The following PAK5 variants were observed in gnomAD, a reference collection of about 807,000 sequenced individuals.
PAK5 encodes the protein p21 (RAC1) activated kinase 5, also known as serine/threonine-protein kinase PAK 5.
PAK5 carries 16 observed loss-of-function variants against 65.9 expected under a neutral mutation model. That is an observed-to-expected ratio of 0.24 (90% CI 0.16 to 0.37). PAK5 has a LOEUF of 0.37. Among genes scored for constraint, PAK5 ranks in the 10% least tolerant of loss-of-function variants. The pLI is 1.00. For synonymous variants in PAK5, 371 were observed against 354.9 expected (o/e 1.05, Z -0.51); for missense variants, 785 against 903.9 (o/e 0.87, Z 1.69).
At chr20:9,699,890 T>C (rs6039552) in intron 2 of PAK5, among the ~76,000 whole-genome samples, 114,635 of 151,994 alleles carry the variant, frequency 0.75, 43,798 homozygotes, top group African/African-American at 0.88. Flanking sequence ...CTATGGCAAA[T>C]GGGGATACTT....
chr20:9,691,729 G>A lies in PAK5; in HGVS notation c.-12+19557C>T, dbSNP rs546718108. Reference sequence around the variant, plus strand: ...AAACTACAAATGTACTCCAATAAAAGTCCCTCTTACATTCTTTATATCTAA... The same window carrying A: ...AAACTACAAATGTACTCCAATAAAAATCCCTCTTACATTCTTTATATCTAA... On this transcript the variant is annotated intron_variant, in intron 2 of 9. Coordinates refer to ENST00000353224, the MANE Select transcript of PAK5 (RefSeq NM_177990.4). Among the ~76,000 whole-genome samples, 181 of 152,180 alleles carry A rather than the reference G, an allele frequency of 1.2e-3. 1 individual carries two copies. The highest frequency in any genetic ancestry group is 4.1e-3 in the African/African-American group (172 of 41,518).
Position 9,745,581 on chromosome 20 carries a change from T to G in PAK5, c.-161-34146A>C, listed in dbSNP as rs79295459. The stretch of plus-strand genomic sequence containing the variant: ...GTTGCAATATTCTGGGTACTCTATA[T>G]TATTTTCATGCGTTGATCTTACACT... On this transcript the variant is annotated intron_variant, in intron 1 of 9. Coordinates refer to ENST00000353224, the MANE Select transcript of PAK5 (RefSeq NM_177990.4). Among the ~76,000 whole-genome samples, 830 of 152,284 alleles carry G rather than the reference T, an allele frequency of 5.5e-3. 9 individuals carry two copies. The highest frequency in any genetic ancestry group is 0.019 in the African/African-American group (775 of 41,562).
At chr20:9,785,142 T>C (rs1274885229) in intron 1 of PAK5, among the ~76,000 whole-genome samples, 3 of 152,172 alleles carry the variant, frequency 2.0e-5, no homozygotes, top group African/African-American at 7.2e-5. Flanking sequence ...TTCTGGTCTA[T>C]AGCCTATGCT....
intron 7 of PAK5, among the ~76,000 whole-genome samples, chr20:9,555,213 G>A (rs2045487840): frequency 6.6e-6 from 1 of 152,148 alleles, no homozygotes; most frequent in Non-Finnish European, 1.5e-5. Context: ...ATGAATGAGA[G>A]AACAAACCAA....
rs755247878 is a variant in PAK5 at position 9,580,885 on chromosome 20, C to T, written c.250G>A (p.Gly84Ser). The T allele has an allele frequency of 1.4e-5, 22 of 1,608,218 alleles. No individual in the cohort carries two copies. The highest frequency in any genetic ancestry group is 1.8e-5 in the Non-Finnish European group (21 of 1,177,176). ...NKPCKETSIN[G>S]LLEDFDNISV... ...ATGTTGTCAAAATCCTCTAGCAGGC[C>T]GTTGATGGAGGTTTCCTTGCAGGGT... Residue 84 changes from glycine (G) to serine (S), a missense_variant, in exon 4 of 10, where the codon GGC (glycine) becomes AGC (serine). Transcript: ENST00000353224.
intron 1 of PAK5, among the ~76,000 whole-genome samples, chr20:9,788,887 C>T (rs916461773): frequency 2.2e-4 from 33 of 152,262 alleles, no homozygotes; most frequent in African/African-American, 7.5e-4. Flanking sequence ...GGAACACAGA[C>T]ATGTTGGTGA....
chr20:9,704,731 G>C (rs1046131787), intron 2 of PAK5, among the ~76,000 whole-genome samples: 3 of 152,160 alleles, frequency 2.0e-5, no homozygotes, highest in Non-Finnish European at 2.9e-5. Context: ...AGGAAATGAA[G>C]CAGGGAAGGG....
intron 2 of PAK5, among the ~76,000 whole-genome samples, chr20:9,691,471 A>G (rs528216598): frequency 1.3e-5 from 2 of 152,326 alleles, no homozygotes; most frequent in African/African-American, 2.4e-5. Context: ...TTCAACCACC[A>G]TCCAGTCTGT....
chr20:9,625,801 G>C (rs1267756188), intron 3 of PAK5, among the ~76,000 whole-genome samples: 1 of 152,158 alleles, frequency 6.6e-6, no homozygotes. Flanking sequence ...CAATTTATAG[G>C]CTTGTCAATT....
intron 3 of PAK5, among the ~76,000 whole-genome samples, chr20:9,594,784 T>C (rs1274025731): frequency 3.3e-5 from 5 of 152,192 alleles, no homozygotes; most frequent in Admixed American, 3.3e-4. Context: ...CACATTTGAC[T>C]TCCAATAAAT....
At chr20:9,822,638 C>A (rs1188267508) in intron 1 of PAK5, among the ~76,000 whole-genome samples, 1 of 152,238 alleles carries the variant, frequency 6.6e-6, no homozygotes. Context: ...TTTCTTACAA[C>A]AACTTCTAAA....
chr20:9,751,274 G>A (rs980674), intron 1 of PAK5, among the ~76,000 whole-genome samples: 84,942 of 151,882 alleles, frequency 0.56, 24,537 homozygotes, highest in African/African-American at 0.68. Context: ...TCTCGGGAGA[G>A]GCTTTGCAAT....
chr20:9,836,609 A>C (rs1979168835), intron 1 of PAK5, among the ~76,000 whole-genome samples: 1 of 152,194 alleles, frequency 6.6e-6, no homozygotes. Context: ...GAACCATGAG[A>C]GAATAAATTT....
intron 3 of PAK5, among the ~76,000 whole-genome samples, chr20:9,600,162 T>G (rs192439698): frequency 6.6e-6 from 1 of 152,234 alleles, no homozygotes; most frequent in African/African-American, 2.4e-5. Context: ...TGACCTCATA[T>G]GTGAGGGTTT....
intron 1 of PAK5, among the ~76,000 whole-genome samples, chr20:9,813,429 T>C (rs913010813): frequency 3.9e-5 from 6 of 151,958 alleles, no homozygotes; most frequent in African/African-American, 1.4e-4. Flanking sequence ...AGGAGTAACA[T>C]TGTGATGGGG....
intron 2 of PAK5, among the ~76,000 whole-genome samples, chr20:9,707,027 TC>T (rs764268710): frequency 1.3e-5 from 2 of 152,146 alleles, no homozygotes; most frequent in African/African-American, 2.4e-5. Flanking sequence ...TCCTCCTCTC[TC>T]TCCCTCACCA....
At chr20:9,737,881 G>A (rs1478929212) in intron 1 of PAK5, among the ~76,000 whole-genome samples, 1 of 152,154 alleles carries the variant, frequency 6.6e-6, no homozygotes, top group Non-Finnish European at 1.5e-5. Context: ...GGTGGCTCAT[G>A]CCTATAATCC....
At chr20:9,730,995 T>C (rs1447884309) in intron 1 of PAK5, among the ~76,000 whole-genome samples, 1 of 152,134 alleles carries the variant, frequency 6.6e-6, no homozygotes, top group African/African-American at 2.4e-5. Context: ...ACTGACATAG[T>C]GGGAGAAAGC....
At chr20:9,768,610 C>T (rs959407509) in intron 1 of PAK5, among the ~76,000 whole-genome samples, 8 of 151,946 alleles carry the variant, frequency 5.3e-5, no homozygotes, top group African/African-American at 1.9e-4. Context: ...TGGCATAACC[C>T]TGTCTCTACT....
Sources: gnomAD v4.1 joint callset for allele counts (sites outside exome capture counted in the v4.1 genomes callset) on GRCh38, gnomAD v4.1.1 for gene constraint, MANE v1.5 for transcripts, NCBI Gene and HGNC (gene_info 2026-07-23, HGNC 2026-07-21) for gene names.